Variants in LINGO2 observed in about 807,000 individuals in gnomAD.
LINGO2 encodes the protein leucine-rich repeat and immunoglobulin-like domain-containing nogo receptor-interacting protein 2.
LINGO2 carries 14 observed loss-of-function variants against 30.6 expected under a neutral mutation model. The observed-to-expected ratio is 0.46, with a 90% CI of 0.30 to 0.72. The LOEUF (loss-of-function observed/expected upper bound fraction) is 0.72. LINGO2 is among the 30% of genes least tolerant of loss of function. The probability of loss-of-function intolerance (pLI) is 0.07; values close to 1 mark genes in which losing one functional copy is unlikely to be tolerated. For missense variants in LINGO2, 729 were observed against 751.7 expected, an observed-to-expected ratio of 0.97 and a Z score of 0.35; for synonymous variants, 317 against 288.5, an observed-to-expected ratio of 1.10 and a Z score of -1.00.
intron 5 of LINGO2, among the ~76,000 whole-genome samples, chr9:27,988,621 C>A (rs372885534): frequency 2.0e-5 from 3 of 151,842 alleles, no homozygotes; most frequent in African/African-American, 7.3e-5. Context: ...TTTTTCATGT[C>A]TGTCGGCTGC....
the LINGO2 span, among the ~76,000 whole-genome samples, chr9:29,142,104 A>G: frequency 3.9e-5 from 6 of 152,022 alleles, no homozygotes; most frequent in South Asian, 1.2e-3. Flanking sequence ...CAGAATACAC[A>G]TTTTTCTCAA....
the LINGO2 span, among the ~76,000 whole-genome samples, chr9:29,086,371 C>A: frequency 2.9e-4 from 43 of 147,174 alleles, no homozygotes; most frequent in African/African-American, 1.0e-3. Flanking sequence ...ACATATTACT[C>A]TTTATCAAGG....
chr9:28,294,008 C>T (rs2134179203), intron 4 of LINGO2, among the ~76,000 whole-genome samples: 1 of 152,258 alleles, frequency 6.6e-6, no homozygotes, highest in South Asian at 2.1e-4. Flanking sequence ...TATTCACCAG[C>T]TCAGTTCATC....
chr9:28,059,422 G>A lies in LINGO2; in HGVS notation c.-86-47017C>T, dbSNP rs553492597. ...TTTTTCTCAATCCTTTGACTCCGCC[G>A]GTCTTTGTCCACCCGCACGACTTGG... On this transcript the variant is annotated intron_variant, in intron 4 of 5. Coordinates refer to ENST00000379992, the Ensembl canonical transcript of LINGO2. Among the ~76,000 whole-genome samples the A allele has an allele frequency of 3.3e-5, 5 of 152,020 alleles. No individual in the cohort carries two copies. The East Asian group carries it at 9.7e-4, about 30-fold the overall frequency.
chr9:28,805,956 G>A, the LINGO2 span, among the ~76,000 whole-genome samples: 5 of 152,020 alleles, frequency 3.3e-5, no homozygotes, highest in Non-Finnish European at 7.4e-5. Context: ...ACAAATAAAA[G>A]TATAAAATAT....
the LINGO2 span, among the ~76,000 whole-genome samples, chr9:29,104,317 C>G: frequency 6.6e-6 from 1 of 151,984 alleles, no homozygotes; most frequent in South Asian, 2.1e-4. Flanking sequence ...AGTGAGTTCT[C>G]AGAAGATCTC....
intron 4 of LINGO2, among the ~76,000 whole-genome samples, chr9:28,221,298 TAAAAAAAA>T (rs141151588): frequency 1.2e-4 from 10 of 83,736 alleles, no homozygotes; most frequent in African/African-American, 2.0e-4. Context: ...AGACCCCGTC[TAAAAAAAA>T]AAAAAAAAAA....
chr9:28,568,308 A>G (rs1257647884), intron 1 of LINGO2, among the ~76,000 whole-genome samples: 2 of 152,068 alleles, frequency 1.3e-5, no homozygotes, highest in African/African-American at 4.8e-5. Flanking sequence ...GGAACAACAG[A>G]CACGGGGGTC....
In LINGO2 at chr9:28,520,157, C is replaced by A. The variant is rs537809457; in HGVS notation, c.-364-44132G>T. On this transcript the variant is annotated intron_variant, in intron 1 of 5. Transcript: ENST00000379992. ...TTTTACCTTAGCCTTAATTCTTATG[C>A]CGCTTTTGTGTTCCTTTTACATTAG... is the stretch of plus-strand genomic sequence containing the variant. Among the ~76,000 whole-genome samples the A allele has an allele frequency of 9.0e-4, 137 of 152,190 alleles. 1 individual carries two copies. Among genetic ancestry groups the A allele is most frequent in the African/African-American group, 3.2e-3 (131 of 41,538 alleles).
chr9:28,943,911 C>A, the LINGO2 span, among the ~76,000 whole-genome samples: 64 of 152,160 alleles, frequency 4.2e-4, no homozygotes, highest in Admixed American at 2.5e-3. Flanking sequence ...CGTAAAGGAA[C>A]CATAGTGTGC....
chr9:28,118,865 T>C (rs1049527716), intron 4 of LINGO2, among the ~76,000 whole-genome samples: 7 of 152,150 alleles, frequency 4.6e-5, no homozygotes, highest in African/African-American at 1.7e-4. Context: ...CCATGAATAA[T>C]GCAACAAAGA....
the LINGO2 span, among the ~76,000 whole-genome samples, chr9:29,070,501 G>C: frequency 1.3e-5 from 2 of 152,120 alleles, no homozygotes; most frequent in East Asian, 3.9e-4. Context: ...AAGTGAATCA[G>C]TGCAGTTAAA....
At chr9:28,460,406 G>A (rs112300980) in intron 2 of LINGO2, among the ~76,000 whole-genome samples, 1 of 152,070 alleles carries the variant, frequency 6.6e-6, no homozygotes, top group Admixed American at 6.6e-5. Context: ...GCAAAACGTA[G>A]CTTATGTCTA....
rs926075677 is a variant in LINGO2 at position 28,437,756 on chromosome 9, T to C, written c.-279+38184A>G. Reference sequence around the variant, plus strand: ...CAGACTTCTTGAGCCTATAGAAAGATAGAGAACAATGAAGAGGGGTTCTGA... The same window carrying C: ...CAGACTTCTTGAGCCTATAGAAAGACAGAGAACAATGAAGAGGGGTTCTGA... On this transcript the variant is annotated intron_variant, in intron 2 of 5. Transcript: ENST00000379992. Among the ~76,000 whole-genome samples the C allele has an allele frequency of 6.6e-5, 10 of 152,062 alleles. No individual in the cohort carries two copies. The South Asian group carries it at 1.0e-3, about 16-fold the overall frequency.
rs1467995875 is a variant in LINGO2 at position 28,431,981 on chromosome 9, T to C, written c.-279+43959A>G. Among the ~76,000 whole-genome samples, 4 of 152,190 alleles carry C rather than the reference T, an allele frequency of 2.6e-5. No individual in the cohort carries two copies. In the East Asian group the frequency reaches 7.7e-4, roughly 29 times the overall value. On this transcript the variant is annotated intron_variant, in intron 2 of 5. Coordinates refer to ENST00000379992, the Ensembl canonical transcript of LINGO2. ...CGTAGGTGATGGGAAATCAATATGA[T>C]TGATATATAGTCATTGCCCTAATAA...
rs1554690875 is a variant in LINGO2 at position 28,233,030 on chromosome 9, TTATATATATATATA to T, written c.-87+62164_-87+62177del. Among the ~76,000 whole-genome samples the T allele has an allele frequency of 3.6e-4, 28 of 77,680 alleles. 3 individuals are homozygous for T. Among genetic ancestry groups the T allele is most frequent in the Non-Finnish European group, 5.6e-4 (25 of 44,544 alleles). 51.0% of individuals were successfully genotyped at this position (77,680 alleles called of 152,430 possible). A position where few individuals can be genotyped will look rare whatever the true frequency, so the allele number is the denominator to read the frequency against. Reference sequence around the variant, plus strand: ...CTTCTCATGAGAGAGACAGTAAACATTATATATATATATATATATATATATATATATTAGATATA... The same window carrying T: ...CTTCTCATGAGAGAGACAGTAAACATTATATATATATATATATTAGATATA... On this transcript the variant is annotated intron_variant, in intron 4 of 5. Transcript: ENST00000379992.
rs1259404654 is a variant in LINGO2 at position 28,351,714 on chromosome 9, C to T, written c.-246+21122G>A. Among the ~76,000 whole-genome samples, 11 of 151,944 alleles carry T rather than the reference C, an allele frequency of 7.2e-5. No individual in the cohort carries two copies. The East Asian group carries it at 1.9e-3, about 27-fold the overall frequency. ...CACAACAAAAAAAGAGAATTTTAGA[C>T]CAATATCCTTGATGAACATTGGTGC... is the stretch of plus-strand genomic sequence containing the variant. On this transcript the variant is annotated intron_variant, in intron 3 of 5. Coordinates refer to ENST00000379992, the Ensembl canonical transcript of LINGO2.
rs1261267459 is a variant in LINGO2 at position 28,129,757 on chromosome 9, G to A, written c.-86-117352C>T. On this transcript the variant is annotated intron_variant, in intron 4 of 5. Transcript: ENST00000379992. The surrounding 1 kb of genome is among the most constrained non-coding windows in gnomAD (Gnocchi z 4.0). ...GAAATTTGGTATAGACATATTGCTG[G>A]TGATTTGAAAACAATAACCTAGTCA... The A allele has an allele frequency of 2.0e-5, 3 of 151,932 alleles. No homozygotes were observed. The highest frequency in any genetic ancestry group is 7.2e-5 in the African/African-American group (3 of 41,404). 9.4% of individuals were successfully genotyped at this position (151,932 alleles called of 1,614,324 possible). A position where few individuals can be genotyped will look rare whatever the true frequency, so the allele number is the denominator to read the frequency against.
intron 4 of LINGO2, among the ~76,000 whole-genome samples, chr9:28,025,572 T>C (rs557362297): frequency 2.8e-4 from 42 of 152,260 alleles, no homozygotes; most frequent in African/African-American, 9.6e-4. Flanking sequence ...TCTGTATCAA[T>C]AGTTGGTTTT....
Sources: gnomAD v4.1 joint callset for allele counts (sites outside exome capture counted in the v4.1 genomes callset) on GRCh38, gnomAD v4.1.1 for gene constraint, Gnocchi (gnomAD v3.1) non-coding constraint, MANE v1.5 for transcripts, NCBI Gene and HGNC (gene_info 2026-07-23, HGNC 2026-07-21) for gene names.